DNM3: variants seen among roughly 807,000 people sequenced by gnomAD.
DNM3 encodes the protein dynamin-3.
In DNM3, 47 loss-of-function variants were observed where a neutral mutation model predicts 101.6. The ratio of observed to expected loss-of-function variants is 0.46; its 90% CI spans 0.37 to 0.59. DNM3 has a LOEUF of 0.59. Among genes scored for constraint, DNM3 ranks in the 20% least tolerant of loss-of-function variants. DNM3 has a pLI of 0.00. For synonymous variants in DNM3, 385 were observed against 387.9 expected (o/e 0.99, Z 0.09); for missense variants, 849 against 1,085.7 (o/e 0.78, Z 3.06).
At chr1:172,227,021 G>A (rs1267883182) in intron 14 of DNM3, among the ~76,000 whole-genome samples, 1 of 151,486 alleles carries the variant, frequency 6.6e-6, no homozygotes, top group Non-Finnish European at 1.5e-5. Context: ...AGTATACACT[G>A]TACCAGTACG....
intron 14 of DNM3, among the ~76,000 whole-genome samples, chr1:172,235,292 A>G (rs1209683564): frequency 2.0e-5 from 3 of 152,222 alleles, no homozygotes; most frequent in African/African-American, 7.2e-5. Context: ...CAAAACCACA[A>G]TGAGATACCA....
chr1:171,904,892 G>A (rs1194428521), intron 1 of DNM3, among the ~76,000 whole-genome samples: 6 of 152,158 alleles, frequency 3.9e-5, no homozygotes, highest in Non-Finnish European at 5.9e-5. Context: ...ACAGAACCAC[G>A]GGGTTTAGAC....
chr1:172,365,514 G>A (rs1049040484), intron 17 of DNM3, among the ~76,000 whole-genome samples: 2 of 151,862 alleles, frequency 1.3e-5, no homozygotes, highest in African/African-American at 4.8e-5. Context: ...TTTTGAAAAG[G>A]AATTTTTATC....
intron 17 of DNM3, among the ~76,000 whole-genome samples, chr1:172,333,377 C>T (rs953992744): frequency 1.3e-5 from 2 of 152,112 alleles, no homozygotes; most frequent in Non-Finnish European, 1.5e-5. Flanking sequence ...TATGCCTAGA[C>T]CCAGTTAGTA....
At chr1:172,289,302 A>G (rs190075974) in intron 15 of DNM3, among the ~76,000 whole-genome samples, 47 of 152,224 alleles carry the variant, frequency 3.1e-4, no homozygotes, top group African/African-American at 1.1e-3. Flanking sequence ...TTTTTTTCCA[A>G]TTTATCCTGT....
At chr1:172,165,538 G>T (rs1011474973) in intron 14 of DNM3, among the ~76,000 whole-genome samples, 2 of 151,950 alleles carry the variant, frequency 1.3e-5, no homozygotes, top group African/African-American at 4.8e-5. Flanking sequence ...CAGCATTATA[G>T]GTTACTATTA....
chr1:172,243,338 A>C (rs1371446375), intron 14 of DNM3, among the ~76,000 whole-genome samples: 1 of 152,192 alleles, frequency 6.6e-6, no homozygotes, highest in Non-Finnish European at 1.5e-5. Context: ...CTGAGAATAC[A>C]GGGCAATATA....
chr1:172,042,212 T>C, intron 8 of DNM3, 68 bp downstream of exon 8: 1 of 1,444,430 alleles, frequency 6.9e-7, no homozygotes, highest in Non-Finnish European at 9.2e-7. Context: ...TACAACTTAA[T>C]ACAATATTGT....
chr1:172,092,902 T>C (rs2054006960), intron 13 of DNM3, 27 bp downstream of exon 13: 1 of 1,539,924 alleles, frequency 6.5e-7, no homozygotes. Flanking sequence ...AGAATCAGTG[T>C]ATGCATGTCC....
intron 1 of DNM3, among the ~76,000 whole-genome samples, chr1:171,871,798 A>G (rs1259818087): frequency 6.7e-6 from 1 of 149,470 alleles, no homozygotes. Context: ...TTATTTCTTT[A>G]TTGGTTACTA....
intron 14 of DNM3, chr1:172,144,669 G>T (rs2057781466): frequency 3.8e-6 from 2 of 521,316 alleles, no homozygotes; most frequent in South Asian, 1.5e-5. Context: ...ATCCTCTCCC[G>T]GTCCTCAGGA....
At chr1:171,900,051 G>T (rs1403476653) in intron 1 of DNM3, among the ~76,000 whole-genome samples, 2 of 152,190 alleles carry the variant, frequency 1.3e-5, no homozygotes, top group African/African-American at 2.4e-5. Context: ...ACTGCACAGT[G>T]GGGGAGGATT....
chr1:172,284,123 G>A (rs1017188444), intron 15 of DNM3, among the ~76,000 whole-genome samples: 22 of 152,276 alleles, frequency 1.4e-4, no homozygotes, highest in Admixed American at 8.5e-4. Flanking sequence ...CCATTTTAAA[G>A]TTAGTTTTAA....
intron 6 of DNM3, among the ~76,000 whole-genome samples, chr1:172,035,124 A>G (rs1172210796): frequency 6.6e-6 from 1 of 152,104 alleles, no homozygotes; most frequent in African/African-American, 2.4e-5. Context: ...ATTGAGGACT[A>G]GGTGGTAGAT....
chr1:172,129,192 C>A (rs1442548936), intron 13 of DNM3, among the ~76,000 whole-genome samples: 1 of 152,108 alleles, frequency 6.6e-6, no homozygotes, highest in South Asian at 2.1e-4. Flanking sequence ...ATAATTTAAC[C>A]AGCTCCTTCT....
At chr1:171,989,754 C>T (rs763529951) in intron 4 of DNM3, among the ~76,000 whole-genome samples, 1 of 152,142 alleles carries the variant, frequency 6.6e-6, no homozygotes, top group Non-Finnish European at 1.5e-5. Context: ...TCAGAGACCT[C>T]AGTGCTGGCC....
At chr1:172,327,889 T>C (rs1337220556) in intron 17 of DNM3, among the ~76,000 whole-genome samples, 1 of 152,174 alleles carries the variant, frequency 6.6e-6, no homozygotes. Flanking sequence ...CAGTAAACCT[T>C]TGCTTCTGTT....
chr1:172,092,781 T>C (rs770989847), intron 12 of DNM3, 43 bp from the exon 13 acceptor site: 1 of 1,524,208 alleles, frequency 6.6e-7, no homozygotes, highest in Non-Finnish European at 8.8e-7. Context: ...TAGGAAAAAA[T>C]TATATGTGTC....
intron 15 of DNM3, among the ~76,000 whole-genome samples, chr1:172,299,696 G>A (rs1383434041): frequency 1.3e-5 from 2 of 152,108 alleles, no homozygotes; most frequent in African/African-American, 4.8e-5. Context: ...CATCCATGTT[G>A]TTGCAAAGGA....
Sources: allele counts gnomAD v4.1 joint callset (sites outside exome capture counted in the v4.1 genomes callset), GRCh38; gene constraint gnomAD v4.1.1; transcripts MANE v1.5; gene names NCBI Gene and HGNC (gene_info 2026-07-23, HGNC 2026-07-21).